Variants in THOP1 observed in about 807,000 individuals in gnomAD.
THOP1 encodes the protein thimet oligopeptidase 1.
Under a neutral mutation model 71.8 loss-of-function variants are expected in THOP1, and 49 were observed. That is an observed-to-expected ratio of 0.68 (90% confidence interval 0.54 to 0.87). The LOEUF is 0.87. Among genes scored for constraint, THOP1 ranks in the 40% least tolerant of loss-of-function variants. THOP1 has a pLI of 0.00. For missense variants in THOP1, 843 were observed against 975.6 expected (o/e 0.86, Z 1.81); for synonymous variants, 426 against 421.5 (o/e 1.01, Z -0.13).
chr19:2,792,588 C>G (rs1366491958), intron 2 of THOP1, among the ~76,000 whole-genome samples: 3 of 151,844 alleles, frequency 2.0e-5, no homozygotes, highest in Non-Finnish European at 4.4e-5. Context: ...AATTTGAATT[C>G]AGGTCTTTCT....
At chr19:2,791,811 T>C (rs1427186492) in intron 2 of THOP1, among the ~76,000 whole-genome samples, 3 of 152,164 alleles carry the variant, frequency 2.0e-5, no homozygotes, top group Non-Finnish European at 4.4e-5. Context: ...GGAAACTGAA[T>C]TCGGCCCCAG....
At chr19:2,799,936 C>G in intron 5 of THOP1, 145 bp downstream of exon 5, 1 of 687,912 alleles carries the variant, frequency 1.5e-6, no homozygotes. Flanking sequence ...CCTGACCGCC[C>G]TGGGCTGAGG....
At chr19:2,797,016 T>C (rs1408231254) in intron 4 of THOP1, among the ~76,000 whole-genome samples, 2 of 152,174 alleles carry the variant, frequency 1.3e-5, no homozygotes, top group Non-Finnish European at 2.9e-5. Flanking sequence ...CGACCGCCAC[T>C]GGAAAGATGC....
chr19:2,799,782 C>T lies in THOP1; in HGVS notation c.580C>T (p.Gln194Ter), dbSNP rs1331613868. The T allele has an allele frequency of 6.2e-7, 1 of 1,613,646 alleles. No individual in the cohort carries two copies. The highest frequency in any genetic ancestry group is 8.5e-7 in the Non-Finnish European group (1 of 1,179,918). The stretch of plus-strand genomic sequence containing the variant: ...CACGACCTTCCTGCCCTTCACGCTC[C>T]AGGAGCTAGGTAGGGGCCGAGCAGT... ...EDTTFLPFTL[Q>*]ELGGLPEDFL... Residue 194 changes from glutamine (Q) to a stop codon, truncating the protein, a stop_gained, in exon 5 of 13, where the codon CAG becomes TAG. Transcript: ENST00000307741. LOFTEE classifies it high-confidence loss of function.
chr19:2,810,183 G>A (rs542296702), intron 9 of THOP1, 121 bp from the exon 10 acceptor site: 124 of 1,270,608 alleles, frequency 9.8e-5, no homozygotes, highest in Admixed American at 6.0e-4. Flanking sequence ...TGGGAGGGCC[G>A]GGCCCAGCGC....
chr19:2,806,582 C>G (rs1170848017), intron 6 of THOP1: 1 of 353,864 alleles, frequency 2.8e-6, no homozygotes, highest in East Asian at 6.7e-5. Flanking sequence ...AGGCAGAGCC[C>G]GTGAGACTGG....
intron 5 of THOP1, among the ~76,000 whole-genome samples, chr19:2,803,750 C>T (rs781146433): frequency 5.3e-5 from 8 of 152,190 alleles, no homozygotes; most frequent in Non-Finnish European, 4.4e-5. Context: ...GGGGTACAAA[C>T]GGGAAGGCGG....
Position 2,805,211 on chromosome 19 carries a change from G to A in THOP1, c.750+35G>A. The A allele has an allele frequency of 6.3e-7, 1 of 1,593,196 alleles. No individual in the cohort carries two copies. Among genetic ancestry groups the A allele is most frequent in the African/African-American group, 1.3e-5 (1 of 74,678 alleles). ...CACGGCCAGGGGGCCCCAGAACAGTGGGTCTGGAGCTTGTGGGGCCCGTCT... is the reference window on the plus strand; with the variant it reads ...CACGGCCAGGGGGCCCCAGAACAGTAGGTCTGGAGCTTGTGGGGCCCGTCT... On this transcript the variant is annotated intron_variant, in intron 6 of 12. Transcript: ENST00000307741. The surrounding 1 kb of genome is among the most constrained non-coding windows in gnomAD (Gnocchi z 6.6).
rs1212536377 is a variant in THOP1 at position 2,804,852 on chromosome 19, G to T, written c.590-164G>T. ...GGTATTTCTTGATGGGGTTAGATGGGGGATGTAAGAATTGCAGCGGGTGGT... is the reference window on the plus strand; with the variant it reads ...GGTATTTCTTGATGGGGTTAGATGGTGGATGTAAGAATTGCAGCGGGTGGT... On this transcript the variant is annotated intron_variant, in intron 5 of 12. Coordinates refer to ENST00000307741, the MANE Select transcript of THOP1 (RefSeq NM_003249.5). This position sits in a 1 kb window ranked among gnomAD's most constrained non-coding sequence, Gnocchi z 4.7. 6.6e-6 allele frequency among the ~76,000 whole-genome samples: 1 copy of T among 152,088 alleles called. No homozygotes were observed. Among genetic ancestry groups the T allele is most frequent in the African/African-American group, 2.4e-5 (1 of 41,396 alleles).
At position 2,808,270 on chromosome 19, in the gene THOP1, C is replaced by T. The variant is rs1016797977; in HGVS notation, c.1281C>T (p.Cys427=). The T allele has an allele frequency of 1.0e-5, 16 of 1,556,172 alleles. No homozygotes were observed. The African/African-American group carries it at 2.0e-4, about 20-fold the overall frequency. ...PREGKYGHAA[C]FGLQPGCLRQ... ...AAGGAAAGTACGGGCACGCGGCCTG[C>T]TTTGGCCTGCAGCCCGGCTGCCTGC... is the stretch of plus-strand genomic sequence containing the variant. Residue 427 remains cysteine (C), a synonymous_variant, in exon 9 of 13, where the codon TGC becomes TGT. Transcript: ENST00000307741.
At position 2,807,012 on chromosome 19, in the gene THOP1, G is replaced by C; in HGVS notation, c.846G>C (p.Met282Ile). ...CGCACGCCGACTATGTCCTGGAGAT[G>C]AACATGGCCAAGACCAGCCAGACCG... The part of the protein sequence containing the change: ...FHTHADYVLE[M>I]NMAKTSQTVA... The change falls in exon 7 of 13, where the codon ATG (methionine) becomes ATC (isoleucine). Residue 282 changes from methionine (M) to isoleucine (I), a missense_variant. Coordinates refer to ENST00000307741, the MANE Select transcript of THOP1 (RefSeq NM_003249.5). The C allele has an allele frequency of 6.2e-7, 1 of 1,612,800 alleles. No homozygotes were observed. The highest frequency in any genetic ancestry group is 8.5e-7 in the Non-Finnish European group (1 of 1,179,762).
In THOP1 at chr19:2,797,276, T is replaced by C. The variant is rs368573301; in HGVS notation, c.486+1088T>C. Among the ~76,000 whole-genome samples the C allele has an allele frequency of 7.2e-5, 11 of 152,154 alleles. No individual in the cohort carries two copies. The South Asian group carries it at 2.3e-3, about 32-fold the overall frequency. On this transcript the variant is annotated intron_variant, in intron 4 of 12. Coordinates refer to ENST00000307741, the MANE Select transcript of THOP1 (RefSeq NM_003249.5). ...CCAGAGTGTAGGGGCTCGAGACTAG[T>C]TGATTTGCACGTGAAAGATGTTTGC...
intron 5 of THOP1, among the ~76,000 whole-genome samples, chr19:2,802,520 C>G (rs567820114): frequency 7.0e-6 from 1 of 143,830 alleles, no homozygotes; most frequent in African/African-American, 2.8e-5. Context: ...CCTCACGACA[C>G]CCACACCTCC....
intron 5 of THOP1, among the ~76,000 whole-genome samples, chr19:2,800,855 C>T (rs1050793672): frequency 3.3e-5 from 5 of 151,870 alleles, no homozygotes; most frequent in African/African-American, 2.4e-5. Flanking sequence ...CGCGGCCACC[C>T]GCACCGTCCC....
At chr19:2,797,091 C>T (rs1175657013) in intron 4 of THOP1, among the ~76,000 whole-genome samples, 3 of 152,138 alleles carry the variant, frequency 2.0e-5, no homozygotes, top group Non-Finnish European at 4.4e-5. Context: ...AGGAGGTGTG[C>T]TCTGGGCAGG....
chr19:2,797,140 G>A (rs567833589), intron 4 of THOP1, among the ~76,000 whole-genome samples: 9 of 152,298 alleles, frequency 5.9e-5, no homozygotes, highest in African/African-American at 1.7e-4. Context: ...TGGGTGTAGC[G>A]GGGAGTGGGC....
At chr19:2,791,407 T>C (rs201954688) in intron 2 of THOP1, among the ~76,000 whole-genome samples, 4 of 151,974 alleles carry the variant, frequency 2.6e-5, no homozygotes, top group African/African-American at 9.7e-5. Context: ...TCTCTCGTGT[T>C]CCAAGGCATC....
intron 2 of THOP1, among the ~76,000 whole-genome samples, chr19:2,792,068 A>G (rs932927599): frequency 6.6e-6 from 1 of 152,140 alleles, no homozygotes; most frequent in Non-Finnish European, 1.5e-5. Flanking sequence ...TCCTGTCCCC[A>G]TGCCAGCTGC....
Position 2,790,527 on chromosome 19 carries a change from C to T in THOP1, c.123C>T (p.Ile41=), listed in dbSNP as rs886100328. 16 of 1,607,678 alleles carry T rather than the reference C, an allele frequency of 1.0e-5. No homozygotes were observed. The highest frequency in any genetic ancestry group is 1.7e-5 in the Admixed American group (1 of 58,330). Residue 41 remains isoleucine, a synonymous_variant, in exon 2 of 13, where the codon ATC becomes ATT. Coordinates refer to ENST00000307741, the MANE Select transcript of THOP1 (RefSeq NM_003249.5). ...QQIEERTREL[I]EQTKRVYDQV... ...TAGAGGAGCGCACCAGGGAGCTCAT[C>T]GAGCAGACCAAGCGCGTGTATGACC...
Sources: gnomAD v4.1 joint callset for allele counts (sites outside exome capture counted in the v4.1 genomes callset) on GRCh38, gnomAD v4.1.1 for gene constraint, Gnocchi (gnomAD v3.1) non-coding constraint, MANE v1.5 for transcripts, NCBI Gene and HGNC (gene_info 2026-07-23, HGNC 2026-07-21) for gene names.